GPHN: variants seen among roughly 807,000 people sequenced by gnomAD.
GPHN encodes the protein gephyrin.
A neutral mutation model predicts 95.5 loss-of-function variants in GPHN; 17 were observed. The ratio of observed to expected loss-of-function variants is 0.18; its 90% CI spans 0.12 to 0.27. The LOEUF (loss-of-function observed/expected upper bound fraction) is 0.27. Among genes scored for constraint, GPHN ranks in the 10% least tolerant of loss-of-function variants. The pLI, the probability that GPHN is intolerant of heterozygous loss-of-function variation, is 1.00. For missense variants in GPHN, 660 were observed against 978.1 expected (o/e 0.67, Z 4.34); for synonymous variants, 320 against 322.5 (o/e 0.99, Z 0.08).
chr14:66,592,278 G>A (rs2130169), intron 1 of GPHN, among the ~76,000 whole-genome samples: 1 of 152,038 alleles, frequency 6.6e-6, no homozygotes, highest in East Asian at 1.9e-4. Flanking sequence ...AAAAGCAATG[G>A]CAGCAAAAGC....
chr14:67,274,548 G>A, the GPHN span, among the ~76,000 whole-genome samples: 1 of 152,178 alleles, frequency 6.6e-6, no homozygotes, highest in African/African-American at 2.4e-5. Flanking sequence ...TTTGAAGTTG[G>A]ATAGGGTGAT....
intron 16 of GPHN, among the ~76,000 whole-genome samples, chr14:67,120,389 T>C (rs2078954307): frequency 6.6e-6 from 1 of 152,240 alleles, no homozygotes. Context: ...TAATTCTGTA[T>C]TGTTTTATTT....
At chr14:67,210,667 A>G in the GPHN span, among the ~76,000 whole-genome samples, 2 of 151,828 alleles carry the variant, frequency 1.3e-5, no homozygotes, top group South Asian at 4.2e-4. Context: ...TGTAAAAGTA[A>G]ATTGAATCTA....
At chr14:66,978,604 C>T (rs536047719) in intron 9 of GPHN, among the ~76,000 whole-genome samples, 11 of 152,232 alleles carry the variant, frequency 7.2e-5, no homozygotes, top group African/African-American at 2.6e-4. Context: ...AGTTCTTTTG[C>T]TATTTCTACC....
At chr14:67,203,063 T>C in the GPHN span, 4 of 1,602,534 alleles carry the variant, frequency 2.5e-6, no homozygotes, top group African/African-American at 4.0e-5. Context: ...CATTTCATCA[T>C]ATAACGCCTT....
chr14:67,197,430 T>C, the GPHN span: 1 of 152,242 alleles, frequency 6.6e-6, no homozygotes, highest in Non-Finnish European at 1.5e-5. Context: ...CTTTTCTCTT[T>C]TCCTTCCTTT....
chr14:66,966,196 A>G (rs2069313668), intron 9 of GPHN, among the ~76,000 whole-genome samples: 1 of 152,138 alleles, frequency 6.6e-6, no homozygotes, highest in Non-Finnish European at 1.5e-5. Flanking sequence ...TTTCTCTGTC[A>G]TCAAATTTAA....
At chr14:66,875,324 C>T (rs1378111039) in intron 4 of GPHN, among the ~76,000 whole-genome samples, 5 of 152,138 alleles carry the variant, frequency 3.3e-5, no homozygotes, top group Non-Finnish European at 4.4e-5. Context: ...TAAAGACCAT[C>T]GACACTGTGA....
rs759940498 is a variant in GPHN, at chr14:66,778,726, CTTTTTTTTTTTT to C, written c.201+2222_201+2233del. On this transcript the variant is annotated intron_variant, in intron 3 of 22. Transcript: ENST00000478722. ...ATTCTATGACTCAAGACTCAAGGGGCTTTTTTTTTTTTTTTTTTTTTTTTTTTTGAGACAGTC... is the reference window on the plus strand; with the variant it reads ...ATTCTATGACTCAAGACTCAAGGGGCTTTTTTTTTTTTTTTTGAGACAGTC... 5.1e-4 allele frequency among the ~76,000 whole-genome samples: 30 copies of C among 59,376 alleles called. 1 individual carries two copies. The highest frequency in any genetic ancestry group is 8.5e-4 in the Non-Finnish European group (28 of 32,914). The allele number at this position is 59,376 out of a possible 152,430, so 39.0% of individuals were successfully genotyped here.
chr14:66,790,829 C>T (rs2059945008), intron 3 of GPHN, among the ~76,000 whole-genome samples: 1 of 152,188 alleles, frequency 6.6e-6, no homozygotes, highest in Admixed American at 6.5e-5. Flanking sequence ...TCCACAAGAC[C>T]CATCAGCTCT....
intron 1 of GPHN, among the ~76,000 whole-genome samples, chr14:66,679,434 C>T (rs2066811690): frequency 6.6e-6 from 1 of 151,974 alleles, no homozygotes; most frequent in African/African-American, 2.4e-5. Flanking sequence ...TTCACCTTTG[C>T]CAGTGTGGTG....
At chr14:67,157,923 C>A (rs185230604) in intron 18 of GPHN, among the ~76,000 whole-genome samples, 7 of 151,410 alleles carry the variant, frequency 4.6e-5, no homozygotes, top group Non-Finnish European at 1.0e-4. Context: ...AGAATGTAGA[C>A]GGAGAGAAAG....
intron 1 of GPHN, among the ~76,000 whole-genome samples, chr14:66,619,982 C>T (rs1235293807): frequency 2.0e-5 from 3 of 152,076 alleles, no homozygotes; most frequent in Non-Finnish European, 4.4e-5. Context: ...GGAGATTCCT[C>T]AGGATTTGAT....
the GPHN span, among the ~76,000 whole-genome samples, chr14:67,449,510 A>G: frequency 0.039 from 5,948 of 152,212 alleles, 161 homozygotes; most frequent in South Asian, 0.064. Context: ...TCTCCTGACA[A>G]TGGTCCCCTG....
chr14:67,167,325 A>G (rs2082337394), intron 20 of GPHN, among the ~76,000 whole-genome samples: 2 of 152,200 alleles, frequency 1.3e-5, no homozygotes, highest in Admixed American at 6.5e-5. Flanking sequence ...GTAGTATTAC[A>G]TGGATTTTAT....
the GPHN span, among the ~76,000 whole-genome samples, chr14:67,378,124 TAAAA>T: frequency 6.7e-5 from 9 of 134,258 alleles, no homozygotes; most frequent in African/African-American, 2.2e-4. Flanking sequence ...CCTTGTCTCT[TAAAA>T]AAAAAAAAAA....
the GPHN span, among the ~76,000 whole-genome samples, chr14:67,323,261 G>GTGTATATATATATA: frequency 6.4e-5 from 8 of 124,190 alleles, no homozygotes; most frequent in South Asian, 2.5e-4. Context: ...GTGTGTGTGT[G>GTGTATATATATATA]TATATATATA....
chr14:67,006,658 A>C (rs1337660867), intron 9 of GPHN, among the ~76,000 whole-genome samples: 1 of 152,178 alleles, frequency 6.6e-6, no homozygotes, highest in Non-Finnish European at 1.5e-5. Flanking sequence ...CCTAGAAATG[A>C]AAGTGTGAAC....
At chr14:66,729,789 A>G (rs1393277632) in intron 2 of GPHN, among the ~76,000 whole-genome samples, 1 of 152,252 alleles carries the variant, frequency 6.6e-6, no homozygotes, top group East Asian at 1.9e-4. Flanking sequence ...TTGAAAATAA[A>G]GGTTATGACT....
Sources: allele counts gnomAD v4.1 joint callset (sites outside exome capture counted in the v4.1 genomes callset), GRCh38; gene constraint gnomAD v4.1.1; transcripts MANE v1.5; gene names NCBI Gene and HGNC (gene_info 2026-07-23, HGNC 2026-07-21).